Variants in GPR158 observed in about 807,000 individuals in gnomAD.
GPR158 encodes metabotropic glycine receptor.
A neutral mutation model predicts 78.2 loss-of-function variants in GPR158; 30 were observed. The observed-to-expected ratio is 0.38, with a 90% CI of 0.29 to 0.52. The LOEUF is 0.52. GPR158 is among the 20% of genes least tolerant of loss of function. The pLI is 0.83. For missense variants in GPR158, 1,463 were observed against 1,523.5 expected, an observed-to-expected ratio of 0.96 and a Z score of 0.66; for synonymous variants, 581 against 591.1, an observed-to-expected ratio of 0.98 and a Z score of 0.25.
intron 1 of GPR158, among the ~76,000 whole-genome samples, chr10:25,202,037 G>C (rs988776799): frequency 7.9e-5 from 12 of 152,056 alleles, no homozygotes; most frequent in Non-Finnish European, 1.5e-5. Flanking sequence ...AATAGTTTCA[G>C]TAGGAATGGT....
At chr10:25,242,924 A>T (rs563175364) in intron 2 of GPR158, among the ~76,000 whole-genome samples, 30 of 152,212 alleles carry the variant, frequency 2.0e-4, no homozygotes, top group Non-Finnish European at 3.4e-4. Context: ...TTGCTCCACT[A>T]AAATACTCAG....
intron 4 of GPR158, among the ~76,000 whole-genome samples, chr10:25,452,444 G>T (rs1835233353): frequency 1.3e-5 from 2 of 152,252 alleles, no homozygotes; most frequent in South Asian, 4.1e-4. Context: ...ACAGTAAATG[G>T]AGTATATTTG....
intron 4 of GPR158, among the ~76,000 whole-genome samples, chr10:25,448,302 G>C (rs1835166786): frequency 6.6e-6 from 1 of 151,878 alleles, no homozygotes; most frequent in Non-Finnish European, 1.5e-5. Flanking sequence ...GTGTTAGCCA[G>C]GATGGTCTCG....
intron 1 of GPR158, among the ~76,000 whole-genome samples, chr10:25,202,877 T>TA (rs1185474858): frequency 1.3e-5 from 2 of 152,214 alleles, no homozygotes; most frequent in Non-Finnish European, 2.9e-5. Flanking sequence ...ACCAACAGTG[T>TA]AAAAGTGTCC....
At chr10:25,433,690 C>CTTTTTTTTTTTTTTTTTTT (rs776105443) in intron 4 of GPR158, among the ~76,000 whole-genome samples, 26 of 93,242 alleles carry the variant, frequency 2.8e-4, no homozygotes, top group Non-Finnish European at 4.2e-4. Context: ...TTCTTTCTTT[C>CTTTTTTTTTTTTTTTTTTT]TTTCTTTTTT....
chr10:25,588,909 T>C lies in GPR158; in HGVS notation c.1754-98T>C, dbSNP rs1397543390. On this transcript the variant is annotated intron_variant, in intron 7 of 10. Transcript: ENST00000376351. ...TAAGACTTTCTAACCCATCTATTTA[T>C]AAAAAACTTATGTTGAATAATAAAC... The C allele has an allele frequency of 2.5e-5, 18 of 718,954 alleles. No individual in the cohort carries two copies. In the East Asian group the frequency reaches 4.6e-4, roughly 18 times the overall value. The allele number at this position is 718,954 out of a possible 1,614,324, so 44.5% of individuals were successfully genotyped here. A position where few individuals can be genotyped will look rare whatever the true frequency, so the allele number is the denominator to read the frequency against.
chr10:25,430,911 A>G (rs11014548), intron 4 of GPR158, among the ~76,000 whole-genome samples: 6 of 151,438 alleles, frequency 4.0e-5, no homozygotes, highest in African/African-American at 1.5e-4. Context: ...TAAAAACCCT[A>G]GAAGAAAACC....
chr10:25,597,627 C>T (rs1436136550), intron 10 of GPR158, 145 bp from the exon 11 acceptor site: 7 of 493,894 alleles, frequency 1.4e-5, no homozygotes, highest in African/African-American at 1.2e-4. Context: ...GTGAGAAAAT[C>T]GACAAGTACA....
chr10:25,360,240 A>G (rs1588823577), intron 2 of GPR158, among the ~76,000 whole-genome samples: 1 of 152,088 alleles, frequency 6.6e-6, no homozygotes, highest in Non-Finnish European at 1.5e-5. Context: ...TTTGCTGTGC[A>G]GTTCTTTAGT....
At chr10:25,416,649 T>C (rs1834664640) in intron 4 of GPR158, among the ~76,000 whole-genome samples, 2 of 152,128 alleles carry the variant, frequency 1.3e-5, no homozygotes, top group African/African-American at 4.8e-5. Context: ...TAGGAATAAG[T>C]TTGTTACTAT....
intron 5 of GPR158, among the ~76,000 whole-genome samples, chr10:25,532,052 C>T (rs1004403867): frequency 6.6e-6 from 1 of 152,164 alleles, no homozygotes; most frequent in African/African-American, 2.4e-5. Context: ...AATTCTGATT[C>T]TAGGTTGTAA....
chr10:25,456,223 C>T (rs16925892), intron 4 of GPR158, among the ~76,000 whole-genome samples: 9,806 of 152,146 alleles, frequency 0.064, 953 homozygotes, highest in African/African-American at 0.21. Flanking sequence ...CTTGCTGAAA[C>T]GCTTATCACA....
At chr10:25,461,338 T>C (rs561457880) in intron 4 of GPR158, among the ~76,000 whole-genome samples, 1 of 152,266 alleles carries the variant, frequency 6.6e-6, no homozygotes, top group African/African-American at 2.4e-5. Context: ...AGTGAACACA[T>C]GTATGATAAG....
At chr10:25,534,045 C>T (rs147986991) in intron 5 of GPR158, among the ~76,000 whole-genome samples, 123 of 152,306 alleles carry the variant, frequency 8.1e-4, no homozygotes, top group African/African-American at 2.6e-3. Context: ...GTTATTACCC[C>T]TCACCAAAAA....
chr10:25,408,810 G>A (rs928165278), intron 3 of GPR158, among the ~76,000 whole-genome samples: 6 of 152,016 alleles, frequency 3.9e-5, no homozygotes, highest in Non-Finnish European at 8.8e-5. Flanking sequence ...TGTCCTGAAG[G>A]TTTTGAATGG....
intron 2 of GPR158, among the ~76,000 whole-genome samples, chr10:25,259,427 A>G (rs1853938393): frequency 6.6e-6 from 1 of 152,068 alleles, no homozygotes; most frequent in Admixed American, 6.6e-5. Flanking sequence ...GTTTCCATAT[A>G]TGTGTTTCTC....
In GPR158 at chr10:25,596,632, ATT is replaced by A. The variant is rs1249175837; in HGVS notation, c.1999-9_1999-8del. On this transcript the variant is annotated splice_polypyrimidine_tract_variant and intron_variant, in intron 9 of 10. Transcript: ENST00000376351. ...AGCTAATGTCTACTGCTCATACTGA[ATT>A]TGTTTCAGTTTTCACATTCAAGCAA... 6.2e-7 allele frequency: 1 copy of A among 1,609,036 alleles called. No homozygotes were observed. The highest frequency in any genetic ancestry group is 1.3e-5 in the African/African-American group (1 of 74,924).
chr10:25,405,389 A>G (rs2130540602), intron 3 of GPR158, among the ~76,000 whole-genome samples: 1 of 151,970 alleles, frequency 6.6e-6, no homozygotes, highest in Non-Finnish European at 1.5e-5. Flanking sequence ...AAAGAAATAA[A>G]TGGCTGATCC....
At chr10:25,313,764 TA>T (rs1854804076) in intron 2 of GPR158, among the ~76,000 whole-genome samples, 1 of 152,178 alleles carries the variant, frequency 6.6e-6, no homozygotes, top group Admixed American at 6.5e-5. Flanking sequence ...TTTTTGCTGA[TA>T]TTGATAAATT....
Sources: allele counts gnomAD v4.1 joint callset (sites outside exome capture counted in the v4.1 genomes callset), GRCh38; gene constraint gnomAD v4.1.1; transcripts MANE v1.5; gene names NCBI Gene and HGNC (gene_info 2026-07-23, HGNC 2026-07-21).